Variants in CMSS1 observed in about 807,000 individuals in gnomAD.
CMSS1 encodes cms1 ribosomal small subunit homolog, also known as protein CMSS1.
Under a neutral mutation model 43.5 loss-of-function variants are expected in CMSS1, and 33 were observed. That is an observed-to-expected ratio of 0.76 (90% CI 0.57 to 1.01). The LOEUF is 1.01. Ranked by LOEUF, CMSS1 falls within the 50% of genes least tolerant of loss-of-function variation. The pLI is 0.00. For synonymous variants in CMSS1, 115 were observed against 117.2 expected (o/e 0.98, Z 0.12); for missense variants, 313 against 326.4 (o/e 0.96, Z 0.32).
chr3:99,872,695 T>C (rs531595082), intron 1 of CMSS1, among the ~76,000 whole-genome samples: 2 of 152,038 alleles, frequency 1.3e-5, no homozygotes, highest in South Asian at 4.1e-4. Flanking sequence ...GGAAAAAGAA[T>C]ACTGCTAATG....
intron 1 of CMSS1, among the ~76,000 whole-genome samples, chr3:99,884,853 C>T (rs13063594): frequency 0.053 from 8,142 of 152,226 alleles, 318 homozygotes; most frequent in Middle Eastern, 0.085. Flanking sequence ...ACTTTTGAAG[C>T]AGCTGAATAC....
chr3:100,114,985 C>T, intron 1 of CMSS1: 4 of 1,526,682 alleles, frequency 2.6e-6, no homozygotes, highest in Non-Finnish European at 3.5e-6. Flanking sequence ...AGAGCAACAT[C>T]GGAATGCATG....
intron 1 of CMSS1, among the ~76,000 whole-genome samples, chr3:99,991,177 T>C (rs1279069214): frequency 6.6e-6 from 1 of 152,154 alleles, no homozygotes; most frequent in African/African-American, 2.4e-5. Flanking sequence ...AGTAGAAAAT[T>C]CCCACTAATT....
intron 1 of CMSS1, among the ~76,000 whole-genome samples, chr3:100,048,614 C>A (rs1346403360): frequency 6.6e-6 from 1 of 152,122 alleles, no homozygotes; most frequent in Non-Finnish European, 1.5e-5. Context: ...TCTTGCACCA[C>A]TTTTTTGGAC....
At chr3:99,872,486 A>G (rs1452757012) in intron 1 of CMSS1, among the ~76,000 whole-genome samples, 2 of 152,110 alleles carry the variant, frequency 1.3e-5, no homozygotes, top group Non-Finnish European at 2.9e-5. Context: ...AAACAGACAC[A>G]AGGAGTTGAG....
intron 2 of CMSS1, chr3:100,160,054 A>C: frequency 5.0e-6 from 2 of 397,458 alleles, no homozygotes; most frequent in Non-Finnish European, 9.9e-6. Flanking sequence ...TAGTCACTCT[A>C]GTCAAAGACT....
chr3:100,135,219 T>C (rs551592470), intron 1 of CMSS1, among the ~76,000 whole-genome samples: 60 of 152,264 alleles, frequency 3.9e-4, no homozygotes, highest in African/African-American at 1.4e-3. Flanking sequence ...CCAACATCCA[T>C]GGCTCTGTTC....
rs76396559 is a variant in CMSS1, at chr3:99,919,679, A to T, written c.64+101636A>T. 3.6e-4 allele frequency among the ~76,000 whole-genome samples: 55 copies of T among 152,230 alleles called. No homozygotes were observed. In the East Asian group the frequency reaches 0.01, roughly 28 times the overall value. On this transcript the variant is annotated intron_variant, in intron 1 of 9. Transcript: ENST00000421999. The stretch of plus-strand genomic sequence containing the variant: ...TAACAGTAGGGTCAAATATGGCTCA[A>T]GCAGTGTTTTAGTCACCTTGTCTGA...
intron 1 of CMSS1, among the ~76,000 whole-genome samples, chr3:100,013,483 G>A (rs188802377): frequency 7.7e-4 from 117 of 151,762 alleles, no homozygotes; most frequent in African/African-American, 2.7e-3. Flanking sequence ...ACCTCAGGTG[G>A]TCCATCCACC....
At chr3:100,171,272 T>A (rs76353973) in intron 6 of CMSS1, among the ~76,000 whole-genome samples, 1 of 152,096 alleles carries the variant, frequency 6.6e-6, no homozygotes, top group South Asian at 2.1e-4. Flanking sequence ...TTTCCACCTA[T>A]AAAATTTTAT....
chr3:99,996,230 A>C (rs1356987276), intron 1 of CMSS1, among the ~76,000 whole-genome samples: 2 of 152,166 alleles, frequency 1.3e-5, no homozygotes, highest in Admixed American at 6.5e-5. Flanking sequence ...AAGTTTCACA[A>C]ATCTCTAGGG....
At chr3:99,849,245 C>A (rs746276150) in intron 1 of CMSS1, 1 of 1,614,158 alleles carries the variant, frequency 6.2e-7, no homozygotes, top group Non-Finnish European at 8.5e-7. Flanking sequence ...CTCTTGTAAT[C>A]AGGTGGTTCA....
chr3:99,945,401 G>A (rs972549951), intron 1 of CMSS1, among the ~76,000 whole-genome samples: 3 of 152,144 alleles, frequency 2.0e-5, no homozygotes, highest in Non-Finnish European at 2.9e-5. Flanking sequence ...GAGCTTGGGG[G>A]TTCCACCCAC....
At chr3:100,047,851 T>G (rs1489862244) in intron 1 of CMSS1, among the ~76,000 whole-genome samples, 1 of 152,050 alleles carries the variant, frequency 6.6e-6, no homozygotes, top group African/African-American at 2.4e-5. Flanking sequence ...GGAAGGCATT[T>G]TTGGTTGTCA....
intron 1 of CMSS1, chr3:100,025,581 T>C (rs771180137): frequency 7.9e-5 from 12 of 152,176 alleles, no homozygotes; most frequent in Admixed American, 5.9e-4. Flanking sequence ...TGCTGTTATA[T>C]TGAGCAGTGC....
chr3:99,971,545 A>T (rs1161336645), intron 1 of CMSS1, among the ~76,000 whole-genome samples: 2 of 152,200 alleles, frequency 1.3e-5, no homozygotes, highest in African/African-American at 4.8e-5. Context: ...AGTATTGCTT[A>T]ACCTCTCTAA....
At chr3:99,821,131 G>A (rs531009093) in intron 1 of CMSS1, among the ~76,000 whole-genome samples, 5 of 152,304 alleles carry the variant, frequency 3.3e-5, no homozygotes, top group Admixed American at 1.3e-4. Context: ...CTTAGATGTG[G>A]TATGTAACAA....
intron 1 of CMSS1, among the ~76,000 whole-genome samples, chr3:100,038,650 A>G (rs1376507870): frequency 6.6e-6 from 1 of 152,168 alleles, no homozygotes. Flanking sequence ...CTGGAAAGCT[A>G]TTTATGGGTT....
intron 1 of CMSS1, among the ~76,000 whole-genome samples, chr3:99,991,986 A>G (rs1003381972): frequency 6.7e-6 from 1 of 149,848 alleles, no homozygotes; most frequent in Non-Finnish European, 1.5e-5. Flanking sequence ...ATATATGTGT[A>G]TATATACGTA....
Sources: allele counts gnomAD v4.1 joint callset (sites outside exome capture counted in the v4.1 genomes callset), GRCh38; gene constraint gnomAD v4.1.1; transcripts MANE v1.5; gene names NCBI Gene and HGNC (gene_info 2026-07-23, HGNC 2026-07-21).